Variants in CENPT observed in about 807,000 individuals in gnomAD.
CENPT encodes interphase centromere complex protein 22.
A neutral mutation model predicts 59.7 loss-of-function variants in CENPT; 42 were observed. The ratio of observed to expected loss-of-function variants is 0.70; its 90% CI spans 0.55 to 0.91. The LOEUF is 0.91. Among genes scored for constraint, CENPT ranks in the 40% least tolerant of loss-of-function variants. The pLI, the probability that CENPT is intolerant of heterozygous loss-of-function variation, is 0.00. For missense variants in CENPT, 716 were observed against 713.4 expected (o/e 1.00, Z -0.04); for synonymous variants, 295 against 289.6 (o/e 1.02, Z -0.19).
At chr16:67,832,754 G>A (rs188132759) in intron 4 of CENPT, among the ~76,000 whole-genome samples, 57 of 152,250 alleles carry the variant, frequency 3.7e-4, no homozygotes, top group African/African-American at 1.1e-3. Flanking sequence ...TGGGAATAGA[G>A]AGGGCATATG....
chr16:67,840,977 T>C (rs1008987997), intron 1 of CENPT, among the ~76,000 whole-genome samples: 3 of 145,592 alleles, frequency 2.1e-5, no homozygotes, highest in South Asian at 2.2e-4. Context: ...CTGAGAAACA[T>C]GGCGAAACCC....
Position 67,832,530 on chromosome 16 carries a change from C to G in CENPT, c.126G>C (p.Leu42=). The change falls in exon 5 of 16, where the codon CTG becomes CTC. Residue 42 remains leucine (L), a synonymous_variant. Coordinates refer to ENST00000562787, the MANE Select transcript of CENPT (RefSeq NM_025082.4). ...ACTTCCTGGGGGAAGCCGTTTCAAG[C>G]AGGGCTCTCCGGGCTCTGTGTAAAG... ...RSARAGARRA[L]LETASPRKLS... The G allele has an allele frequency of 6.2e-7, 1 of 1,614,096 alleles. No homozygotes were observed. The highest frequency in any genetic ancestry group is 1.3e-5 in the African/African-American group (1 of 75,052).
chr16:67,833,788 G>C lies in CENPT; in HGVS notation c.72C>G (p.Asp24Glu). The change falls in exon 4 of 16, where the codon GAC (aspartate) becomes GAG (glutamate). Residue 24 changes from aspartate (D) to glutamate (E), a missense_variant. Asp to Glu is a conservative substitution (Grantham distance 45). Transcript: ENST00000562787. ...TCCGGGGTCGCCGCGGGGTGCGCGG[G>C]TCCGCTGTATCCAGCACGCGTCGCA... ...TLLRRVLDTA[D>E]PRTPRRPRSA... is the part of the protein sequence containing the mutation. The C allele has an allele frequency of 6.4e-7, 1 of 1,569,062 alleles. No homozygotes were observed. The highest frequency in any genetic ancestry group is 8.6e-7 in the Non-Finnish European group (1 of 1,160,108).
At chr16:67,847,065 G>A (rs1370911628) in intron 1 of CENPT, 1 of 150,780 alleles carries the variant, frequency 6.6e-6, no homozygotes, top group African/African-American at 2.4e-5. Flanking sequence ...GCTCCGCTGA[G>A]AGTCCCCGGG....
At chr16:67,847,087 C>CA in intron 1 of CENPT, 1 of 140,212 alleles carries the variant, frequency 7.1e-6, no homozygotes, top group Non-Finnish European at 1.6e-5. Flanking sequence ...GGCCCCTCCC[C>CA]TCCCCCCCCC....
intron 13 of CENPT, 125 bp downstream of exon 13, chr16:67,829,298 A>C (rs1213752474): frequency 2.6e-6 from 2 of 764,340 alleles, no homozygotes; most frequent in African/African-American, 1.8e-5. Context: ...TCCCCAGCCC[A>C]GCTGAAGCTG....
chr16:67,845,256 T>G (rs1328424834), intron 1 of CENPT, among the ~76,000 whole-genome samples: 1 of 152,204 alleles, frequency 6.6e-6, no homozygotes, highest in Non-Finnish European at 1.5e-5. Flanking sequence ...CCATAAAATA[T>G]GACTCCCTTC....
At chr16:67,830,855 C>G (rs1410834111) in intron 10 of CENPT, 1 of 518,098 alleles carries the variant, frequency 1.9e-6, no homozygotes, top group African/African-American at 1.9e-5. Flanking sequence ...CTCCGTCTTC[C>G]CAAACCCTCT....
chr16:67,833,668 C>G, intron 4 of CENPT, 82 bp downstream of exon 4: 1 of 828,744 alleles, frequency 1.2e-6, no homozygotes, highest in Non-Finnish European at 1.8e-6. Flanking sequence ...CCTCTTCGAA[C>G]AGAGTCGACG....
intron 9 of CENPT, 48 bp from the exon 10 acceptor site, chr16:67,831,406 GT>G: frequency 6.3e-7 from 1 of 1,599,172 alleles, no homozygotes; most frequent in Non-Finnish European, 8.5e-7. Flanking sequence ...CTGAGACCCA[GT>G]TTGCCCACAG....
Position 67,843,267 on chromosome 16 carries a change from C to G in CENPT, c.-492+4134G>C. Reference sequence around the variant, plus strand: ...GTGGTGGTAGGGGAAGAGGGCTTCCCTGATACTGGCTCCGACCATTCGTAC... The same window carrying G: ...GTGGTGGTAGGGGAAGAGGGCTTCCGTGATACTGGCTCCGACCATTCGTAC... On this transcript the variant is annotated intron_variant, in intron 1 of 15. Transcript: ENST00000562787. This position sits in a 1 kb window ranked among gnomAD's most constrained non-coding sequence, Gnocchi z 5.7. 6.2e-7 allele frequency: 1 copy of G among 1,613,362 alleles called. No individual in the cohort carries two copies. Among genetic ancestry groups the G allele is most frequent in the Non-Finnish European group, 8.5e-7 (1 of 1,179,794 alleles).
In CENPT at chr16:67,828,508, C is replaced by A; in HGVS notation, c.1528G>T (p.Val510Leu). The change falls in exon 15 of 16, where the codon GTG (valine) becomes TTG (leucine). Residue 510 changes from valine (V) to leucine (L), a missense_variant. Val to Leu is a conservative substitution (Grantham distance 32). Coordinates refer to ENST00000562787, the MANE Select transcript of CENPT (RefSeq NM_025082.4). ...VFAAHAGRKTVKPEDLELLMR... is the reference protein window; with the variant it reads ...VFAAHAGRKTLKPEDLELLMR... ...AGCAGCTCCAGGTCCTCTGGCTTCA[C>A]AGTCTTGCGGCCAGCATGAGCAGCA... 1 of 1,614,238 alleles carries A rather than the reference C, an allele frequency of 6.2e-7. No homozygotes were observed. Among genetic ancestry groups the A allele is most frequent in the South Asian group, 1.1e-5 (1 of 91,086 alleles).
rs774543377 is a variant in CENPT at position 67,843,081 on chromosome 16, C to T, written c.-492+4320G>A. 1.9e-6 allele frequency: 3 copies of T among 1,611,374 alleles called. No individual in the cohort carries two copies. The highest frequency in any genetic ancestry group is 2.5e-6 in the Non-Finnish European group (3 of 1,180,008). On this transcript the variant is annotated intron_variant, in intron 1 of 15. Coordinates refer to ENST00000562787, the MANE Select transcript of CENPT (RefSeq NM_025082.4). The surrounding 1 kb of genome is among the most constrained non-coding windows in gnomAD (Gnocchi z 5.7). ...CAGGCTCCGGGATCCGTACAGCCGG[C>T]GCCCATCACTCCCACTGGAGAAGAC...
Position 67,829,409 on chromosome 16 carries a change from T to A in CENPT, c.1280+14A>T. The A allele has an allele frequency of 6.3e-7, 1 of 1,581,896 alleles. No homozygotes were observed. On this transcript the variant is annotated intron_variant, in intron 13 of 15. Transcript: ENST00000562787. ...CCCAAGAGGCCCATGAGGAATGGGG[T>A]TGTGGGATCTTACACTGCAGCACCA... is the stretch of plus-strand genomic sequence containing the variant.
chr16:67,835,245 T>C lies in CENPT; in HGVS notation c.-315A>G, dbSNP rs2057728302. The C allele has an allele frequency of 6.6e-6, 1 of 152,250 alleles. No individual in the cohort carries two copies. The allele number at this position is 152,250 out of a possible 1,614,324, so 9.4% of individuals were successfully genotyped here. A position where few individuals can be genotyped will look rare whatever the true frequency, so the allele number is the denominator to read the frequency against. ...TCTCACCTTAAGTTTTCATGGCAAC[T>C]GAATTAGAACTTGGTTTCTGAGTCT... On this transcript the variant is annotated 5_prime_UTR_variant, in exon 3 of 16. Coordinates refer to ENST00000562787, the MANE Select transcript of CENPT (RefSeq NM_025082.4).
chr16:67,839,862 G>A (rs150639590), intron 1 of CENPT, among the ~76,000 whole-genome samples: 87 of 152,096 alleles, frequency 5.7e-4, no homozygotes, highest in African/African-American at 1.9e-3. Context: ...CAATGAGAAC[G>A]AAACTCCATC....
chr16:67,842,902 A>AGCAGCAGCAGCAGCAACAGCAGCAG lies in CENPT; in HGVS notation c.-492+4498_-492+4499insCTGCTGCTGTTGCTGCTGCTGCTGC, dbSNP rs2057773216. ...AGCAGCAGCAGCAGCAACAGCAGCA[A>AGCAGCAGCAGCAGCAACAGCAGCAG]CAGCAGCAGCAGCAGCAACAGCAGC... On this transcript the variant is annotated intron_variant, in intron 1 of 15. Transcript: ENST00000562787. This position sits in a 1 kb window ranked among gnomAD's most constrained non-coding sequence, Gnocchi z 4.9. 52 of 1,583,176 alleles carry AGCAGCAGCAGCAGCAACAGCAGCAG rather than the reference A, an allele frequency of 3.3e-5. No individual in the cohort carries two copies. The Admixed American group carries it at 4.2e-4, about 13-fold the overall frequency.
intron 1 of CENPT, among the ~76,000 whole-genome samples, chr16:67,837,196 A>G (rs2057739086): frequency 6.7e-6 from 1 of 148,848 alleles, no homozygotes; most frequent in East Asian, 2.0e-4. Flanking sequence ...TTTTTGAGAC[A>G]GGGTCTCGCT....
Position 67,832,302 on chromosome 16 carries a change from G to A in CENPT, c.215C>T (p.Ser72Leu), listed in dbSNP as rs376569561. ...GTGCCCACTGGCCTGAATATGGGCC[G>A]ATCTGCCAACAGACTATCGGCAAAG... ...RSHGARSVGR[S>L]AHIQASGHLE... Residue 72 changes from serine to leucine, a missense_variant, in exon 6 of 16, where the codon TCG (serine) becomes TTG (leucine). Coordinates refer to ENST00000562787, the MANE Select transcript of CENPT (RefSeq NM_025082.4). 5 of 1,614,016 alleles carry A rather than the reference G, an allele frequency of 3.1e-6. No individual in the cohort carries two copies. Among genetic ancestry groups the A allele is most frequent in the African/African-American group, 1.3e-5 (1 of 74,928 alleles).
Sources: gnomAD v4.1 joint callset for allele counts (sites outside exome capture counted in the v4.1 genomes callset) on GRCh38, gnomAD v4.1.1 for gene constraint, Gnocchi (gnomAD v3.1) non-coding constraint, MANE v1.5 for transcripts, NCBI Gene and HGNC (gene_info 2026-07-23, HGNC 2026-07-21) for gene names.